Variants in MTSS1 observed in about 807,000 individuals in gnomAD.
The protein encoded by MTSS1 is MTSS I-BAR domain containing 1, also known as protein MTSS 1.
Under a neutral mutation model 79.0 loss-of-function variants are expected in MTSS1, and 18 were observed. That is an observed-to-expected ratio of 0.23 (90% CI 0.16 to 0.34). MTSS1 has a LOEUF of 0.34. MTSS1 is among the 10% of genes least tolerant of loss of function. The pLI, the probability that MTSS1 is intolerant of heterozygous loss-of-function variation, is 1.00. For synonymous variants in MTSS1, 341 were observed against 368.6 expected (o/e 0.93, Z 0.86); for missense variants, 815 against 986.2 (o/e 0.83, Z 2.33).
intron 3 of MTSS1, among the ~76,000 whole-genome samples, chr8:124,670,941 C>T (rs765465432): frequency 3.9e-5 from 6 of 152,134 alleles, no homozygotes; most frequent in Non-Finnish European, 7.3e-5. Context: ...ACACAGCTAC[C>T]GCATTAAATA....
rs11997363 is a variant in MTSS1, at chr8:124,553,816, C to G, written c.1568-124G>C. On this transcript the variant is annotated intron_variant, in intron 13 of 13. Transcript: ENST00000518547. The surrounding 1 kb of genome is among the most constrained non-coding windows in gnomAD (Gnocchi z 6.0). ...ACACAGTCTCATCCCAAGCTTCCCCCAGGCTTCTCTACCATCTTCAGAAAG... is the reference window on the plus strand; with the variant it reads ...ACACAGTCTCATCCCAAGCTTCCCCGAGGCTTCTCTACCATCTTCAGAAAG... 13,528 of 833,444 alleles carry G rather than the reference C, an allele frequency of 0.016. 1,198 individuals are homozygous for G. The African/African-American group carries it at 0.2, about 12-fold the overall frequency. The allele number at this position is 833,444 out of a possible 1,614,324, so 51.6% of individuals were successfully genotyped here.
rs962661735 is a variant in MTSS1 at position 124,727,496 on chromosome 8, C to A, written c.72+388G>T. 2 of 459,864 alleles carry A rather than the reference C, an allele frequency of 4.3e-6. No homozygotes were observed. Among genetic ancestry groups the A allele is most frequent in the Non-Finnish European group, 8.7e-6 (2 of 230,650 alleles). 28.5% of individuals were successfully genotyped at this position (459,864 alleles called of 1,614,324 possible). ...CCCACCACCGCGCCAGGCGCCCCCA[C>A]CCCGTGCCCGGAGGAATCAGGTGTC... On this transcript the variant is annotated intron_variant, in intron 1 of 13. Transcript: ENST00000518547. This position sits in a 1 kb window ranked among gnomAD's most constrained non-coding sequence, Gnocchi z 4.7.
chr8:124,686,978 G>A (rs1158274035), intron 3 of MTSS1, among the ~76,000 whole-genome samples: 1 of 152,086 alleles, frequency 6.6e-6, no homozygotes, highest in African/African-American at 2.4e-5. Context: ...TTTGCAAAAT[G>A]GGGTTCCCAC....
intron 6 of MTSS1, among the ~76,000 whole-genome samples, chr8:124,569,833 C>T (rs142424122): frequency 6.6e-6 from 1 of 152,198 alleles, no homozygotes; most frequent in Non-Finnish European, 1.5e-5. Context: ...AAGGGACTCA[C>T]CTAAGGTCAC....
chr8:124,702,669 C>T (rs1829868124), intron 2 of MTSS1, among the ~76,000 whole-genome samples: 1 of 152,182 alleles, frequency 6.6e-6, no homozygotes, highest in East Asian at 1.9e-4. Context: ...GAGAGCATCA[C>T]ATCATCCCTC....
intron 3 of MTSS1, among the ~76,000 whole-genome samples, chr8:124,645,358 C>T (rs1166842336): frequency 6.6e-6 from 1 of 152,126 alleles, no homozygotes; most frequent in Non-Finnish European, 1.5e-5. Flanking sequence ...CTCATTCCAG[C>T]CTGGGCAACA....
chr8:124,642,248 T>C (rs1354862583), intron 3 of MTSS1, among the ~76,000 whole-genome samples: 1 of 152,152 alleles, frequency 6.6e-6, no homozygotes, highest in Non-Finnish European at 1.5e-5. Flanking sequence ...TTTTTTTAAT[T>C]TAACGAATCA....
intron 6 of MTSS1, among the ~76,000 whole-genome samples, chr8:124,579,332 G>A (rs563997045): frequency 2.0e-5 from 3 of 152,174 alleles, no homozygotes; most frequent in Non-Finnish European, 4.4e-5. Context: ...GCAGATGAGT[G>A]GTTGTCAGGG....
intron 6 of MTSS1, chr8:124,568,948 C>A: frequency 3.0e-6 from 3 of 984,002 alleles, no homozygotes; most frequent in Non-Finnish European, 1.3e-6. Context: ...AAAACGGGCA[C>A]GGGCTGGCTT....
intron 3 of MTSS1, among the ~76,000 whole-genome samples, chr8:124,603,999 G>T (rs1332454955): frequency 1.3e-5 from 2 of 152,134 alleles, no homozygotes; most frequent in African/African-American, 2.4e-5. Flanking sequence ...CTCACCTAAG[G>T]TTGAGAGTTC....
intron 3 of MTSS1, among the ~76,000 whole-genome samples, chr8:124,628,533 G>T (rs1815209043): frequency 6.6e-6 from 1 of 152,170 alleles, no homozygotes; most frequent in Non-Finnish European, 1.5e-5. Context: ...AGCCCCCACA[G>T]CAGGTGCTCT....
At position 124,557,824 on chromosome 8, in the gene MTSS1, G is replaced by T; in HGVS notation, c.1087C>A (p.Pro363Thr). ...YSLSSESHVG[P>T]TGAGLFPHCL... ...TGAGGGAAAAGGCCTGCACCCGTGG[G>T]CCCCACGTGGGACTCACTTGATAAA... Residue 363 changes from proline (P) to threonine (T), a missense_variant, in exon 11 of 14, where the codon CCC (proline) becomes ACC (threonine). This residue lies in a region of MTSS1 where 590 missense variants were observed against 620.8 expected (regional missense o/e 0.95). Coordinates refer to ENST00000518547, the MANE Select transcript of MTSS1 (RefSeq NM_014751.6). The T allele has an allele frequency of 6.3e-7, 1 of 1,594,564 alleles. No homozygotes were observed. The highest frequency in any genetic ancestry group is 8.5e-7 in the Non-Finnish European group (1 of 1,170,076).
intron 6 of MTSS1, among the ~76,000 whole-genome samples, chr8:124,573,145 G>A (rs1828211870): frequency 1.3e-5 from 2 of 152,244 alleles, no homozygotes; most frequent in South Asian, 4.1e-4. Flanking sequence ...TGCCCTGCAA[G>A]GCATGAAAGG....
At chr8:124,567,703 T>G in intron 7 of MTSS1, 1 of 1,495,572 alleles carries the variant, frequency 6.7e-7, no homozygotes, top group East Asian at 2.5e-5. Flanking sequence ...AAACATCCCA[T>G]GTGCTTTATC....
chr8:124,621,176 T>C (rs1431427818), intron 3 of MTSS1, among the ~76,000 whole-genome samples: 1 of 152,194 alleles, frequency 6.6e-6, no homozygotes, highest in Non-Finnish European at 1.5e-5. Flanking sequence ...TCGCCATGAC[T>C]CTGACCTTTA....
intron 1 of MTSS1, among the ~76,000 whole-genome samples, chr8:124,721,730 G>A (rs1832975136): frequency 6.6e-6 from 1 of 152,126 alleles, no homozygotes; most frequent in Non-Finnish European, 1.5e-5. Context: ...ACACAGCTCA[G>A]TGATTCTCAG....
intron 3 of MTSS1, among the ~76,000 whole-genome samples, chr8:124,697,788 T>G (rs1829089159): frequency 6.6e-6 from 1 of 152,184 alleles, no homozygotes. Context: ...AGTAATTTTT[T>G]TAAAGGACTT....
At position 124,722,961 on chromosome 8, in the gene MTSS1, G is replaced by A. The variant is rs148849244; in HGVS notation, c.72+4923C>T. ...CATGCCCGTGAAGATGGAAAAAGCC[G>A]AGATGCAAATTGGAGATAAAGCATC... On this transcript the variant is annotated intron_variant, in intron 1 of 13. Coordinates refer to ENST00000518547, the MANE Select transcript of MTSS1 (RefSeq NM_014751.6). Among the ~76,000 whole-genome samples the A allele has an allele frequency of 4.5e-3, 688 of 152,290 alleles. 4 individuals carry two copies. Among genetic ancestry groups the A allele is most frequent in the Non-Finnish European group, 8.2e-3 (558 of 68,022 alleles).
intron 3 of MTSS1, among the ~76,000 whole-genome samples, chr8:124,697,547 C>T (rs183194102): frequency 2.2e-3 from 335 of 150,706 alleles, no homozygotes; most frequent in African/African-American, 7.9e-3. Context: ...AGAGACAGAG[C>T]GAGATTCTGT....
Sources: gnomAD v4.1 joint callset for allele counts (sites outside exome capture counted in the v4.1 genomes callset) on GRCh38, gnomAD v4.1.1 for gene constraint, gnomAD v4.1.1 regional missense constraint, Gnocchi (gnomAD v3.1) non-coding constraint, MANE v1.5 for transcripts, NCBI Gene and HGNC (gene_info 2026-07-23, HGNC 2026-07-21) for gene names.